SND1: variants seen among roughly 807,000 people sequenced by gnomAD.
SND1 encodes staphylococcal nuclease and tudor domain containing 1.
Under a neutral mutation model 121.7 loss-of-function variants are expected in SND1, and 38 were observed. The ratio of observed to expected loss-of-function variants is 0.31; its 90% confidence interval spans 0.24 to 0.41. The LOEUF is 0.41. SND1 is among the 10% of genes least tolerant of loss of function. SND1 has a pLI of 1.00. For missense variants in SND1, 868 were observed against 1,184.6 expected, an observed-to-expected ratio of 0.73 and a Z score of 3.92; for synonymous variants, 401 against 447.4, an observed-to-expected ratio of 0.90 and a Z score of 1.31.
intron 11 of SND1, among the ~76,000 whole-genome samples, chr7:127,815,616 A>G (rs889835420): frequency 6.6e-6 from 1 of 152,174 alleles, no homozygotes; most frequent in African/African-American, 2.4e-5. Context: ...TTTTAGCTAC[A>G]AGCCAGGAAA....
chr7:127,829,456 G>A (rs1242313497), intron 11 of SND1, among the ~76,000 whole-genome samples: 1 of 152,170 alleles, frequency 6.6e-6, no homozygotes, highest in Non-Finnish European at 1.5e-5. Context: ...CAGATTAGGA[G>A]ATTAAAAGAC....
At chr7:128,016,924 C>CAG (rs1194573944) in intron 16 of SND1, among the ~76,000 whole-genome samples, 1 of 152,206 alleles carries the variant, frequency 6.6e-6, no homozygotes, top group Non-Finnish European at 1.5e-5. Flanking sequence ...AAGTACTGGA[C>CAG]AGAGGGTCAG....
rs1483761974 is a variant in SND1 at position 127,708,544 on chromosome 7, A to G, written c.1038+897A>G. Among the ~76,000 whole-genome samples the G allele has an allele frequency of 2.0e-5, 3 of 152,064 alleles. No homozygotes were observed. In the East Asian group the frequency reaches 5.8e-4, roughly 29 times the overall value. ...GGTGCAAATCAAGGAGCACCTATAA[A>G]TATATGACCTCAAGTTTCTCTTCTT... is the stretch of plus-strand genomic sequence containing the variant. On this transcript the variant is annotated intron_variant, in intron 9 of 23. Coordinates refer to ENST00000354725, the MANE Select transcript of SND1 (RefSeq NM_014390.4).
intron 16 of SND1, among the ~76,000 whole-genome samples, chr7:128,043,566 C>T (rs1013816369): frequency 2.0e-5 from 3 of 150,854 alleles, no homozygotes; most frequent in Non-Finnish European, 4.4e-5. Context: ...AGGGAGACTC[C>T]ATCTCAAAAA....
At chr7:127,851,883 A>G (rs1799170192) in intron 12 of SND1, among the ~76,000 whole-genome samples, 1 of 152,218 alleles carries the variant, frequency 6.6e-6, no homozygotes, top group South Asian at 2.1e-4. Flanking sequence ...TTGGCTGGGC[A>G]CGGTGGCTCA....
intron 16 of SND1, among the ~76,000 whole-genome samples, chr7:128,001,807 T>C (rs907914041): frequency 2.0e-5 from 3 of 152,186 alleles, no homozygotes; most frequent in Non-Finnish European, 4.4e-5. Context: ...GGCACATGCC[T>C]GTAATCCCAA....
intron 8 of SND1, among the ~76,000 whole-genome samples, chr7:127,705,928 G>C (rs1796185112): frequency 6.6e-6 from 1 of 152,116 alleles, no homozygotes; most frequent in Admixed American, 6.5e-5. Context: ...CCATTTCTTA[G>C]GTCTTTTTCA....
chr7:127,909,458 T>TA (rs1469817866), intron 14 of SND1, among the ~76,000 whole-genome samples: 20 of 152,122 alleles, frequency 1.3e-4, no homozygotes, highest in Admixed American at 3.3e-4. Flanking sequence ...TGATTTTTTT[T>TA]TTTTTTTTAA....
intron 16 of SND1, among the ~76,000 whole-genome samples, chr7:128,046,608 C>A (rs1316551677): frequency 2.0e-5 from 3 of 151,948 alleles, no homozygotes; most frequent in Non-Finnish European, 4.4e-5. Context: ...AAGTGATCTG[C>A]CCGCCTTGAC....
intron 10 of SND1, among the ~76,000 whole-genome samples, chr7:127,766,140 G>T (rs1003299782): frequency 6.6e-6 from 1 of 152,126 alleles, no homozygotes; most frequent in African/African-American, 2.4e-5. Flanking sequence ...ACCATGTGAG[G>T]ACGCCACACT....
chr7:127,824,262 T>C (rs1188833643), intron 11 of SND1, among the ~76,000 whole-genome samples: 1 of 152,230 alleles, frequency 6.6e-6, no homozygotes, highest in African/African-American at 2.4e-5. Flanking sequence ...ACAGCAATAG[T>C]GTTATTTGTC....
intron 16 of SND1, among the ~76,000 whole-genome samples, chr7:128,067,974 C>G (rs1470139214): frequency 1.3e-5 from 2 of 152,042 alleles, no homozygotes; most frequent in Non-Finnish European, 2.9e-5. Context: ...TTTAAGCCAG[C>G]CTTACCAGAA....
intron 15 of SND1, among the ~76,000 whole-genome samples, chr7:127,931,843 G>A (rs1390562816): frequency 6.6e-6 from 1 of 152,164 alleles, no homozygotes; most frequent in Non-Finnish European, 1.5e-5. Context: ...CACATCTGGT[G>A]ACAGCCTGGT....
rs73721010 is a variant in SND1 at position 127,818,208 on chromosome 7, A to G, written c.1242+10635A>G. 3.6e-3 allele frequency among the ~76,000 whole-genome samples: 550 copies of G among 152,164 alleles called. 1 individual carries two copies. The highest frequency in any genetic ancestry group is 0.012 in the African/African-American group (514 of 41,510). On this transcript the variant is annotated intron_variant, in intron 11 of 23. Coordinates refer to ENST00000354725, the MANE Select transcript of SND1 (RefSeq NM_014390.4). The stretch of plus-strand genomic sequence containing the variant: ...GACCTTAAAAATAGGTTGGATAAAT[A>G]TGTTTTCTTTTGTTTTGCTATGTGT...
chr7:127,833,797 A>G (rs1333996035), intron 11 of SND1, among the ~76,000 whole-genome samples: 1 of 152,218 alleles, frequency 6.6e-6, no homozygotes, highest in African/African-American at 2.4e-5. Flanking sequence ...TTGTGCAACC[A>G]TCACTGTCCA....
chr7:128,046,643 C>G (rs959027855), intron 16 of SND1, among the ~76,000 whole-genome samples: 3 of 151,998 alleles, frequency 2.0e-5, no homozygotes, highest in Admixed American at 6.6e-5. Flanking sequence ...GGATTACAGA[C>G]GTGAGCCACT....
intron 16 of SND1, chr7:128,028,903 A>T (rs1435530201): frequency 6.2e-7 from 1 of 1,613,502 alleles, no homozygotes; most frequent in Admixed American, 1.7e-5. Flanking sequence ...GCTGCTGCGG[A>T]TGTTGCTGCT....
chr7:128,012,066 A>C (rs1803128409), intron 16 of SND1, among the ~76,000 whole-genome samples: 1 of 152,206 alleles, frequency 6.6e-6, no homozygotes, highest in South Asian at 2.1e-4. Flanking sequence ...TGTAGAACTA[A>C]GATTGAGAAC....
intron 11 of SND1, 63 bp from the exon 12 acceptor site, chr7:127,844,261 G>A: frequency 7.7e-7 from 1 of 1,302,768 alleles, no homozygotes; most frequent in African/African-American, 1.5e-5. Context: ...GCAGGCACAT[G>A]TGGCTGCTAG....
Sources: allele counts gnomAD v4.1 joint callset (sites outside exome capture counted in the v4.1 genomes callset), GRCh38; gene constraint gnomAD v4.1.1; transcripts MANE v1.5; gene names NCBI Gene and HGNC (gene_info 2026-07-23, HGNC 2026-07-21).